The following USPL1 variants were observed in gnomAD, a reference collection of about 807,000 sequenced individuals.
USPL1 encodes ubiquitin specific peptidase like 1.
Under a neutral mutation model 51.5 loss-of-function variants are expected in USPL1, and 27 were observed. The observed-to-expected ratio is 0.52, with a 90% CI of 0.39 to 0.72. The LOEUF (loss-of-function observed/expected upper bound fraction) is 0.72, where lower values mean the gene tolerates loss of function less well. Among genes scored for constraint, USPL1 ranks in the 30% least tolerant of loss-of-function variants. The pLI is 0.00. For missense variants in USPL1, 1,226 were observed against 1,268.0 expected (o/e 0.97, Z 0.50); for synonymous variants, 451 against 459.6 (o/e 0.98, Z 0.24).
At position 30,660,336 on chromosome 13, in the gene USPL1, CA is replaced by C. The variant is rs1951242629; in HGVS notation, c.*982del. 6.6e-6 allele frequency: 1 copy of C among 152,234 alleles called. No homozygotes were observed. Among genetic ancestry groups the C allele is most frequent in the South Asian group, 2.1e-4 (1 of 4,838 alleles). The allele number at this position is 152,234 out of a possible 1,614,324, so 9.4% of individuals were successfully genotyped here. On this transcript the variant is annotated 3_prime_UTR_variant, in exon 9 of 9. Transcript: ENST00000255304. ...CCTGCTTTGATCTGAGAGCTGGTGC[CA>C]ATAGCAGGGAGAAGCCAAGCTGCAG...
intron 6 of USPL1, among the ~76,000 whole-genome samples, chr13:30,646,535 T>C (rs982473174): frequency 6.6e-6 from 1 of 152,212 alleles, no homozygotes; most frequent in Non-Finnish European, 1.5e-5. Flanking sequence ...TAAGGGCTAT[T>C]TTTTCCCCCT....
chr13:30,658,259 AAAG>A lies in USPL1; in HGVS notation c.2185_2187del (p.Glu729del), dbSNP rs1339974580. Reference sequence around the variant, plus strand: ...ATCTCAGGTATCTAATTTGAAGAAAAAAGAAACTACAGCAGATTCTCAAACCAC... The same window carrying A: ...ATCTCAGGTATCTAATTTGAAGAAAAAAACTACAGCAGATTCTCAAACCAC... On this transcript the variant is annotated inframe_deletion, in exon 9 of 9. Transcript: ENST00000255304. 9 of 1,612,580 alleles carry A rather than the reference AAAG, an allele frequency of 5.6e-6. No homozygotes were observed. Among genetic ancestry groups the A allele is most frequent in the Non-Finnish European group, 7.6e-6 (9 of 1,179,716 alleles).
At chr13:30,625,255 A>G (rs1950696475) in intron 3 of USPL1, among the ~76,000 whole-genome samples, 1 of 152,162 alleles carries the variant, frequency 6.6e-6, no homozygotes, top group African/African-American at 2.4e-5. Flanking sequence ...GGATAGTTCC[A>G]AGATTTTTGG....
intron 3 of USPL1, among the ~76,000 whole-genome samples, chr13:30,622,365 G>A (rs1287467503): frequency 2.0e-5 from 3 of 151,936 alleles, no homozygotes; most frequent in African/African-American, 2.4e-5. Context: ...GCTCTAAATC[G>A]CTTTTAGAAT....
At chr13:30,643,423 C>T (rs1255753081) in intron 6 of USPL1, among the ~76,000 whole-genome samples, 5 of 152,126 alleles carry the variant, frequency 3.3e-5, no homozygotes, top group Non-Finnish European at 7.3e-5. Flanking sequence ...AACCTGTACC[C>T]ACCACGTAAG....
chr13:30,642,769 T>A lies in USPL1; in HGVS notation c.1112+12T>A. 6.2e-7 allele frequency: 1 copy of A among 1,604,776 alleles called. No individual in the cohort carries two copies. The highest frequency in any genetic ancestry group is 2.2e-5 in the East Asian group (1 of 44,756). ...CAATATCAAAACAGGTTAGTTTCTT[T>A]TGTTTTTTAAAATGGGTTCTTCTAG... On this transcript the variant is annotated intron_variant, in intron 6 of 8. Coordinates refer to ENST00000255304, the MANE Select transcript of USPL1 (RefSeq NM_005800.5).
chr13:30,642,839 C>G, intron 6 of USPL1, 82 bp downstream of exon 6: 2 of 1,493,376 alleles, frequency 1.3e-6, no homozygotes, highest in Non-Finnish European at 1.8e-6. Context: ...GCACCAGACA[C>G]TACAGTTTGC....
At chr13:30,642,809 A>G in intron 6 of USPL1, 52 bp downstream of exon 6, 1 of 1,576,946 alleles carries the variant, frequency 6.3e-7, no homozygotes, top group South Asian at 1.2e-5. Context: ...TCCACCACTA[A>G]GGTTAAGAGA....
intron 4 of USPL1, among the ~76,000 whole-genome samples, chr13:30,631,689 C>A (rs1218799661): frequency 6.6e-6 from 1 of 152,164 alleles, no homozygotes; most frequent in Non-Finnish European, 1.5e-5. Flanking sequence ...GGTGGCCCCA[C>A]TGTCTTGCCC....
At chr13:30,632,550 ACT>A (rs1950821417) in intron 4 of USPL1, among the ~76,000 whole-genome samples, 1 of 151,304 alleles carries the variant, frequency 6.6e-6, no homozygotes, top group African/African-American at 2.4e-5. Context: ...AGTAGCTGGG[ACT>A]ACAGGCGCCC....
intron 6 of USPL1, 78 bp downstream of exon 6, chr13:30,642,835 G>A (rs1950966777): frequency 1.3e-6 from 2 of 1,517,858 alleles, no homozygotes; most frequent in African/African-American, 1.4e-5. Context: ...TTGAGCACCA[G>A]ACACTACAGT....
chr13:30,621,673 A>C, intron 2 of USPL1, 91 bp from the exon 3 acceptor site: 1 of 1,056,616 alleles, frequency 9.5e-7, no homozygotes, highest in Non-Finnish European at 1.3e-6. Flanking sequence ...TGAAAATTAT[A>C]ATTTTTTCTG....
At chr13:30,628,213 T>C (rs1313647054) in intron 3 of USPL1, among the ~76,000 whole-genome samples, 1 of 152,064 alleles carries the variant, frequency 6.6e-6, no homozygotes, top group Admixed American at 6.5e-5. Context: ...TATGTTTCTA[T>C]GAATCAGACT....
intron 4 of USPL1, among the ~76,000 whole-genome samples, chr13:30,632,676 T>A (rs1001824116): frequency 6.6e-6 from 1 of 152,106 alleles, no homozygotes; most frequent in Non-Finnish European, 1.5e-5. Context: ...CCTCCCAAAG[T>A]GCTGAAATTA....
At chr13:30,641,617 T>C (rs1391635527) in intron 5 of USPL1, among the ~76,000 whole-genome samples, 1 of 152,272 alleles carries the variant, frequency 6.6e-6, no homozygotes, top group East Asian at 1.9e-4. Flanking sequence ...TTACCTTACT[T>C]TCCAGTCTCA....
chr13:30,633,574 C>T (rs1950835651), intron 4 of USPL1, among the ~76,000 whole-genome samples: 1 of 151,926 alleles, frequency 6.6e-6, no homozygotes, highest in Non-Finnish European at 1.5e-5. Context: ...AGTTCGAGAC[C>T]AGCCTGGCCA....
chr13:30,624,935 CTT>C (rs1226332871), intron 3 of USPL1, among the ~76,000 whole-genome samples: 3 of 152,130 alleles, frequency 2.0e-5, no homozygotes, highest in African/African-American at 7.2e-5. Flanking sequence ...CTTTAAAAAC[CTT>C]TTGTCTTCCC....
At chr13:30,628,814 A>G (rs1950759246) in intron 3 of USPL1, among the ~76,000 whole-genome samples, 1 of 152,074 alleles carries the variant, frequency 6.6e-6, no homozygotes, top group South Asian at 2.1e-4. Flanking sequence ...AGTTGCTTTC[A>G]CTTTTTGGGA....
intron 1 of USPL1, among the ~76,000 whole-genome samples, chr13:30,618,843 A>G (rs1379602563): frequency 2.0e-5 from 3 of 152,172 alleles, no homozygotes; most frequent in African/African-American, 7.2e-5. Flanking sequence ...CCTTTAGGTT[A>G]TATTGGGCTG....
Sources: allele counts gnomAD v4.1 joint callset (sites outside exome capture counted in the v4.1 genomes callset), GRCh38; gene constraint gnomAD v4.1.1; transcripts MANE v1.5; gene names NCBI Gene and HGNC (gene_info 2026-07-23, HGNC 2026-07-21).